FNBP1L: variants seen among roughly 807,000 people sequenced by gnomAD.
FNBP1L encodes the protein formin-binding protein 1-like.
Under a neutral mutation model 91.2 loss-of-function variants are expected in FNBP1L, and 36 were observed. That is an observed-to-expected ratio of 0.39 (90% CI 0.30 to 0.52). The LOEUF is 0.52. Among genes scored for constraint, FNBP1L ranks in the 20% least tolerant of loss-of-function variants. The pLI, the probability that FNBP1L is intolerant of heterozygous loss-of-function variation, is 0.66. For synonymous variants in FNBP1L, 242 were observed against 237.0 expected (o/e 1.02, Z -0.19); for missense variants, 571 against 732.1 (o/e 0.78, Z 2.54).
At chr1:93,515,574 A>G (rs1433554770) in intron 2 of FNBP1L, among the ~76,000 whole-genome samples, 4 of 152,100 alleles carry the variant, frequency 2.6e-5, no homozygotes, top group Non-Finnish European at 5.9e-5. Flanking sequence ...ACCATGGAAT[A>G]CTATGTAGCC....
intron 2 of FNBP1L, among the ~76,000 whole-genome samples, chr1:93,516,637 C>T (rs553284376): frequency 3.5e-4 from 53 of 151,800 alleles, no homozygotes; most frequent in African/African-American, 1.2e-3. Flanking sequence ...ACCCCGTCTC[C>T]GCTAAAAATA....
rs1196316693 is a variant in FNBP1L, at chr1:93,551,964, G to A, written c.1811-445G>A. On this transcript the variant is annotated intron_variant, in intron 16 of 16. Transcript: ENST00000271234. ...CAGTTACATAGAAAAATACACATTT[G>A]AAGATAGAGGAAACCTTGAATGGAG... The A allele has an allele frequency of 7.1e-6, 7 of 988,608 alleles. No individual in the cohort carries two copies. In the African/African-American group the frequency reaches 1.2e-4, roughly 17 times the overall value. The allele number at this position is 988,608 out of a possible 1,614,324, so 61.2% of individuals were successfully genotyped here.
intron 11 of FNBP1L, among the ~76,000 whole-genome samples, chr1:93,543,208 C>T (rs1672109141): frequency 6.6e-6 from 1 of 151,992 alleles, no homozygotes; most frequent in South Asian, 2.1e-4. Flanking sequence ...GATTCAATAG[C>T]GGCTAATATT....
chr1:93,515,933 T>C (rs1213706293), intron 2 of FNBP1L, among the ~76,000 whole-genome samples: 20 of 151,872 alleles, frequency 1.3e-4, no homozygotes, highest in South Asian at 8.3e-4. Context: ...TAAAAAGAGA[T>C]TTTAAAAATT....
intron 7 of FNBP1L, 109 bp downstream of exon 7, chr1:93,530,992 T>TTCACTAGATTCACTAGACA: frequency 1.1e-6 from 1 of 886,200 alleles, no homozygotes; most frequent in Non-Finnish European, 1.7e-6. Flanking sequence ...GACATCAGGG[T>TTCACTAGATTCACTAGACA]TGGGGTGAGA....
At chr1:93,542,963 T>G (rs1244710155) in intron 11 of FNBP1L, among the ~76,000 whole-genome samples, 1 of 151,880 alleles carries the variant, frequency 6.6e-6, no homozygotes, top group Non-Finnish European at 1.5e-5. Flanking sequence ...TTTATTGTAT[T>G]TTTAGTAGAG....
intron 4 of FNBP1L, 28 bp downstream of exon 4, chr1:93,523,519 C>T (rs1344873374): frequency 1.3e-6 from 2 of 1,578,000 alleles, no homozygotes; most frequent in African/African-American, 1.3e-5. Flanking sequence ...CATCCAATTG[C>T]AATAGTATAT....
chr1:93,449,626 A>G (rs1056415832), intron 1 of FNBP1L, among the ~76,000 whole-genome samples: 1 of 152,208 alleles, frequency 6.6e-6, no homozygotes, highest in Non-Finnish European at 1.5e-5. Context: ...CTCTTGTGCA[A>G]CATTCTGTAC....
At position 93,448,148 on chromosome 1, in the gene FNBP1L, C is replaced by T. The variant is rs1212915908; in HGVS notation, c.-134C>T. On this transcript the variant is annotated 5_prime_UTR_variant, in exon 1 of 17. Transcript: ENST00000271234. ...CGTCTTTCTCACTCACTGGGGAGCC[C>T]GGCGGTGGCGGCACCTTTCGAGGTA... 1 of 1,148,000 alleles carries T rather than the reference C, an allele frequency of 8.7e-7. No individual in the cohort carries two copies. The highest frequency in any genetic ancestry group is 1.5e-5 in the South Asian group (1 of 67,900). 71.1% of individuals were successfully genotyped at this position (1,148,000 alleles called of 1,614,324 possible).
intron 5 of FNBP1L, among the ~76,000 whole-genome samples, chr1:93,527,725 G>T (rs1340698417): frequency 1.3e-5 from 2 of 152,006 alleles, no homozygotes; most frequent in Non-Finnish European, 2.9e-5. Flanking sequence ...TTTTAAATAA[G>T]AGCAGATATC....
chr1:93,540,540 A>G (rs1054146577), intron 10 of FNBP1L, among the ~76,000 whole-genome samples: 3 of 152,166 alleles, frequency 2.0e-5, no homozygotes, highest in African/African-American at 7.2e-5. Context: ...TCATCTAACC[A>G]TGGTATATTT....
chr1:93,460,259 T>A (rs1668817720), intron 1 of FNBP1L, among the ~76,000 whole-genome samples: 1 of 152,184 alleles, frequency 6.6e-6, no homozygotes, highest in Non-Finnish European at 1.5e-5. Context: ...ACACTTTCCA[T>A]TCCTATTTGC....
intron 1 of FNBP1L, among the ~76,000 whole-genome samples, chr1:93,456,685 C>T (rs1395232460): frequency 2.7e-5 from 4 of 147,026 alleles, no homozygotes; most frequent in African/African-American, 1.0e-4. Context: ...GAGGCTGAGG[C>T]GGGAGGATCA....
chr1:93,469,230 C>G (rs1427618546), intron 1 of FNBP1L, among the ~76,000 whole-genome samples: 2 of 149,666 alleles, frequency 1.3e-5, no homozygotes, highest in African/African-American at 4.9e-5. Context: ...CATTATTCCT[C>G]CCCTAACCCC....
intron 2 of FNBP1L, among the ~76,000 whole-genome samples, chr1:93,518,122 C>T (rs1671195538): frequency 6.6e-6 from 1 of 152,234 alleles, no homozygotes; most frequent in South Asian, 2.1e-4. Flanking sequence ...ATCGTGATCC[C>T]AGAAGTTTCT....
chr1:93,549,554 T>C (rs1000074122), intron 15 of FNBP1L, 128 bp downstream of exon 15: 23 of 699,904 alleles, frequency 3.3e-5, no homozygotes, highest in Non-Finnish European at 4.4e-5. Flanking sequence ...CCCATTTCTT[T>C]AGTATGCATA....
At chr1:93,481,108 T>C (rs1377711793) in intron 1 of FNBP1L, among the ~76,000 whole-genome samples, 3 of 152,162 alleles carry the variant, frequency 2.0e-5, no homozygotes, top group Non-Finnish European at 4.4e-5. Flanking sequence ...ACATAACCAA[T>C]CAGCAGTTGA....
intron 1 of FNBP1L, among the ~76,000 whole-genome samples, chr1:93,450,678 AT>A (rs34724847): frequency 6.6e-6 from 1 of 152,216 alleles, no homozygotes; most frequent in Non-Finnish European, 1.5e-5. Flanking sequence ...TTCTCTCGAA[AT>A]TTTGGATTTA....
At chr1:93,530,683 T>C in intron 6 of FNBP1L, 72 bp from the exon 7 acceptor site, 3 of 1,505,412 alleles carry the variant, frequency 2.0e-6, no homozygotes, top group South Asian at 2.6e-5. Flanking sequence ...AATCTAGTTT[T>C]AGTATAATTT....
Sources: gnomAD v4.1 joint callset for allele counts (sites outside exome capture counted in the v4.1 genomes callset) on GRCh38, gnomAD v4.1.1 for gene constraint, MANE v1.5 for transcripts, NCBI Gene and HGNC (gene_info 2026-07-23, HGNC 2026-07-21) for gene names.